The following ASB3 variants were observed in gnomAD, a reference collection of about 807,000 sequenced individuals.
ASB3 encodes the protein ankyrin repeat and SOCS box protein 3.
In ASB3, 41 loss-of-function variants were observed where a neutral mutation model predicts 54.5. The observed-to-expected ratio is 0.75, with a 90% confidence interval of 0.59 to 0.98. ASB3 has a LOEUF of 0.98. Among genes scored for constraint, ASB3 ranks in the 50% least tolerant of loss-of-function variants. The probability of loss-of-function intolerance (pLI) is 0.00; values close to 1 mark genes in which losing one functional copy is unlikely to be tolerated. For synonymous variants in ASB3, 266 were observed against 221.2 expected, an observed-to-expected ratio of 1.20 and a Z score of -1.80; for missense variants, 733 against 620.0, an observed-to-expected ratio of 1.18 and a Z score of -1.94.
intron 3 of ASB3, among the ~76,000 whole-genome samples, chr2:53,736,852 G>A (rs767724651): frequency 2.0e-5 from 3 of 151,878 alleles, no homozygotes; most frequent in Non-Finnish European, 4.4e-5. Context: ...TTAGCCAGGT[G>A]TGGTGGTGCA....
At chr2:53,689,769 T>A (rs1041520595) in intron 9 of ASB3, among the ~76,000 whole-genome samples, 1 of 152,204 alleles carries the variant, frequency 6.6e-6, no homozygotes, top group Non-Finnish European at 1.5e-5. Context: ...CCTGGAGTAC[T>A]TACCCTACCA....
At chr2:53,782,689 A>T (rs1204491269) in intron 1 of ASB3, among the ~76,000 whole-genome samples, 2 of 152,202 alleles carry the variant, frequency 1.3e-5, no homozygotes, top group African/African-American at 4.8e-5. Context: ...ACAGGGTGGA[A>T]GGAGAGGAGG....
intron 3 of ASB3, among the ~76,000 whole-genome samples, chr2:53,747,405 G>C (rs1672284569): frequency 6.6e-6 from 1 of 152,090 alleles, no homozygotes; most frequent in Non-Finnish European, 1.5e-5. Flanking sequence ...AATTAGCCAG[G>C]CGTGGTGGCG....
chr2:53,754,336 A>T (rs1037443142), intron 2 of ASB3, among the ~76,000 whole-genome samples: 6 of 152,192 alleles, frequency 3.9e-5, no homozygotes, highest in Admixed American at 3.9e-4. Context: ...AAGGAAGTAG[A>T]GTTTAATTCC....
At position 53,740,349 on chromosome 2, in the gene ASB3, G is replaced by C. The variant is rs182688544; in HGVS notation, c.355+10434C>G. The stretch of plus-strand genomic sequence containing the variant: ...CATTTATCTCCTGCAGTATTTCTCT[G>C]GTCCTGTGTTCATACTGACATCTGG... On this transcript the variant is annotated intron_variant, in intron 3 of 9. Coordinates refer to ENST00000263634, the MANE Select transcript of ASB3 (RefSeq NM_016115.5). Among the ~76,000 whole-genome samples, 167 of 152,192 alleles carry C rather than the reference G, an allele frequency of 1.1e-3. 2 individuals are homozygous for C. Among genetic ancestry groups the C allele is most frequent in the African/African-American group, 3.9e-3 (160 of 41,524 alleles).
chr2:53,756,344 A>G (rs1409274057), intron 2 of ASB3, among the ~76,000 whole-genome samples: 1 of 152,178 alleles, frequency 6.6e-6, no homozygotes, highest in South Asian at 2.1e-4. Flanking sequence ...TGCTTAAGCT[A>G]GTTTGAACTA....
At chr2:53,727,434 A>C (rs1229532851) in intron 5 of ASB3, among the ~76,000 whole-genome samples, 1 of 152,124 alleles carries the variant, frequency 6.6e-6, no homozygotes, top group African/African-American at 2.4e-5. Context: ...CAGGAGGATC[A>C]CTTGAGGTTG....
At chr2:53,684,238 G>A (rs888520120) in intron 9 of ASB3, among the ~76,000 whole-genome samples, 3 of 152,192 alleles carry the variant, frequency 2.0e-5, no homozygotes, top group Non-Finnish European at 4.4e-5. Flanking sequence ...ACTTCTGCCA[G>A]TGGTCCACAT....
intron 1 of ASB3, among the ~76,000 whole-genome samples, chr2:53,768,764 G>T (rs781081908): frequency 6.6e-6 from 1 of 152,158 alleles, no homozygotes; most frequent in African/African-American, 2.4e-5. Context: ...GTCCTACAAA[G>T]ACATTAATCT....
intron 3 of ASB3, among the ~76,000 whole-genome samples, chr2:53,738,291 G>A (rs535978370): frequency 6.6e-6 from 1 of 152,260 alleles, no homozygotes; most frequent in South Asian, 2.1e-4. Flanking sequence ...ACATGTTAGG[G>A]CAAAGGAGAT....
chr2:53,700,223 GTATAT>G, intron 8 of ASB3, 43 bp downstream of exon 8: 1 of 1,575,982 alleles, frequency 6.3e-7, no homozygotes. Flanking sequence ...ATTAAAGGTA[GTATAT>G]TCACTCAAAA....
At chr2:53,717,807 G>C (rs1377860705) in intron 5 of ASB3, among the ~76,000 whole-genome samples, 1 of 152,040 alleles carries the variant, frequency 6.6e-6, no homozygotes, top group Non-Finnish European at 1.5e-5. Context: ...AGCAATTCAG[G>C]AAATGAAGGC....
chr2:53,781,830 A>G (rs1674667212), intron 1 of ASB3, among the ~76,000 whole-genome samples: 1 of 152,206 alleles, frequency 6.6e-6, no homozygotes, highest in South Asian at 2.1e-4. Context: ...ATAAAATAGG[A>G]CTTTTTAAAA....
chr2:53,749,846 A>G (rs58326257), intron 3 of ASB3, among the ~76,000 whole-genome samples: 15,079 of 152,078 alleles, frequency 0.099, 875 homozygotes, highest in East Asian at 0.15. Context: ...ATGGTTCTAT[A>G]TCTTGATTGT....
chr2:53,724,110 G>C (rs1670859836), intron 5 of ASB3, among the ~76,000 whole-genome samples: 1 of 152,148 alleles, frequency 6.6e-6, no homozygotes, highest in African/African-American at 2.4e-5. Flanking sequence ...AATCTCTTTA[G>C]ATTAATTAAG....
chr2:53,679,743 T>C (rs1051477904), intron 9 of ASB3, among the ~76,000 whole-genome samples: 1 of 152,168 alleles, frequency 6.6e-6, no homozygotes, highest in Non-Finnish European at 1.5e-5. Context: ...ATTCACATAA[T>C]TTTTTTAAAT....
rs1394671062 is a variant in ASB3, at chr2:53,750,780, T to C, written c.355+3A>G. 5.2e-6 allele frequency: 8 copies of C among 1,542,624 alleles called. No individual in the cohort carries two copies. The East Asian group carries it at 9.2e-5, about 18-fold the overall frequency. On this transcript the variant is annotated splice_donor_region_variant and intron_variant, in intron 3 of 9. Coordinates refer to ENST00000263634, the MANE Select transcript of ASB3 (RefSeq NM_016115.5). ...GCATCTGCACCACAAATAGCATACT[T>C]ACCTAAAAACAATGGTGTCGTTTCT...
At chr2:53,720,330 T>TC (rs1336071658) in intron 5 of ASB3, among the ~76,000 whole-genome samples, 1 of 152,164 alleles carries the variant, frequency 6.6e-6, no homozygotes, top group African/African-American at 2.4e-5. Context: ...TGCCAGGACC[T>TC]CCTGAGGCTG....
At chr2:53,776,186 CTATT>C (rs1238945330) in intron 1 of ASB3, among the ~76,000 whole-genome samples, 2 of 152,132 alleles carry the variant, frequency 1.3e-5, no homozygotes, top group Admixed American at 6.5e-5. Flanking sequence ...TCATGTTTTC[CTATT>C]TATTAACATC....
Sources: allele counts gnomAD v4.1 joint callset (sites outside exome capture counted in the v4.1 genomes callset), GRCh38; gene constraint gnomAD v4.1.1; transcripts MANE v1.5; gene names NCBI Gene and HGNC (gene_info 2026-07-23, HGNC 2026-07-21).